Variants in HEATR1 observed in about 807,000 individuals in gnomAD.
HEATR1 encodes the protein HEAT repeat-containing protein 1.
In HEATR1, 77 loss-of-function variants were observed where a neutral mutation model predicts 248.2. The observed-to-expected ratio is 0.31, with a 90% CI of 0.26 to 0.37. The LOEUF (loss-of-function observed/expected upper bound fraction) is 0.37, where lower values mean the gene tolerates loss of function less well. HEATR1 is among the 10% of genes least tolerant of loss of function. The pLI, the probability that HEATR1 is intolerant of heterozygous loss-of-function variation, is 1.00. For synonymous variants in HEATR1, 897 were observed against 923.1 expected (o/e 0.97, Z 0.51); for missense variants, 2,420 against 2,504.9 (o/e 0.97, Z 0.72).
In HEATR1 at chr1:236,554,738, C is replaced by G; in HGVS notation, c.5938G>C (p.Asp1980His). The change falls in exon 42 of 45, where the codon GAC (aspartate) becomes CAC (histidine). Residue 1980 changes from aspartate (D) to histidine (H), a missense_variant. Asp to His is a moderately conservative substitution (Grantham distance 81, BLOSUM62 -1). Coordinates refer to ENST00000366582, the MANE Select transcript of HEATR1 (RefSeq NM_018072.6). ...NISKTDEAFFDSENDPEKCCL... is the reference protein window; with the variant it reads ...NISKTDEAFFHSENDPEKCCL... ...CACTTTTCAGGGTCATTTTCAGAGTCAAAAAATGCTTCATCTGTAGACGTG... is the reference window on the plus strand; with the variant it reads ...CACTTTTCAGGGTCATTTTCAGAGTGAAAAAATGCTTCATCTGTAGACGTG... 1.2e-6 allele frequency: 2 copies of G among 1,605,664 alleles called. No homozygotes were observed. Among genetic ancestry groups the G allele is most frequent in the South Asian group, 2.3e-5 (2 of 88,770 alleles).
intron 10 of HEATR1, 51 bp downstream of exon 10, chr1:236,592,472 T>A (rs768668958): frequency 1.3e-6 from 1 of 764,206 alleles, no homozygotes; most frequent in African/African-American, 1.7e-5. Context: ...ATCATATCTT[T>A]ATAGAACAGG....
intron 24 of HEATR1, among the ~76,000 whole-genome samples, chr1:236,573,198 G>C (rs1004554988): frequency 2.6e-5 from 4 of 152,152 alleles, no homozygotes; most frequent in African/African-American, 9.7e-5. Flanking sequence ...CACTTCTCCA[G>C]TCCAGAGTCA....
chr1:236,557,420 G>GA (rs1663008355), intron 36 of HEATR1, 75 bp from the exon 37 acceptor site: 4 of 1,491,810 alleles, frequency 2.7e-6, no homozygotes, highest in African/African-American at 1.4e-5. Context: ...AGGGCATTAT[G>GA]AAAAAAACCA....
intron 37 of HEATR1, 21 bp from the exon 38 acceptor site, chr1:236,556,279 T>C (rs765956418): frequency 3.1e-6 from 5 of 1,613,316 alleles, no homozygotes; most frequent in Admixed American, 3.3e-5. Flanking sequence ...ATAAAAAAAG[T>C]GATCAGGGCC....
chr1:236,550,823 A>G lies in HEATR1; in HGVS notation c.*79T>C. 9.1e-7 allele frequency: 1 copy of G among 1,097,456 alleles called. No homozygotes were observed. The highest frequency in any genetic ancestry group is 2.4e-5 in the East Asian group (1 of 41,356). 68.0% of individuals were successfully genotyped at this position (1,097,456 alleles called of 1,614,324 possible). On this transcript the variant is annotated 3_prime_UTR_variant, in exon 45 of 45. Coordinates refer to ENST00000366582, the MANE Select transcript of HEATR1 (RefSeq NM_018072.6). ...GGTGTATTAAGGCACCAAAAGTAAC[A>G]TGGCACCCAACACCCAAAAATAAAA...
chr1:236,594,908 C>G (rs958773866), intron 8 of HEATR1, among the ~76,000 whole-genome samples: 2 of 152,120 alleles, frequency 1.3e-5, no homozygotes, highest in African/African-American at 4.8e-5. Flanking sequence ...AGGTGATCCT[C>G]CCACCTCAGT....
intron 28 of HEATR1, among the ~76,000 whole-genome samples, chr1:236,571,026 T>C (rs1292411116): frequency 1.3e-5 from 2 of 152,250 alleles, no homozygotes; most frequent in African/African-American, 4.8e-5. Context: ...CTTTTCCCAA[T>C]TAACACCAAT....
Position 236,585,085 on chromosome 1 carries a change from T to C in HEATR1, c.2181A>G (p.Ile727Met), listed in dbSNP as rs1418054710. 6.2e-7 allele frequency: 1 copy of C among 1,614,042 alleles called. No individual in the cohort carries two copies. The highest frequency in any genetic ancestry group is 1.7e-5 in the Admixed American group (1 of 60,026). Residue 727 changes from isoleucine to methionine, a missense_variant, in exon 17 of 45, where the codon ATA becomes ATG. Transcript: ENST00000366582. ...SLKETHFPFAIRVFSLLQKKI... is the reference protein window; with the variant it reads ...SLKETHFPFAMRVFSLLQKKI... ...TTTTCTGCAACAAACTGAAGACTCTTATCGCAAATGGAAAGTGGGTTTCTT... is the reference window on the plus strand; with the variant it reads ...TTTTCTGCAACAAACTGAAGACTCTCATCGCAAATGGAAAGTGGGTTTCTT...
In HEATR1 at chr1:236,566,759, G is replaced by A. The variant is rs1253637056; in HGVS notation, c.4195C>T (p.Leu1399Phe). The A allele has an allele frequency of 6.2e-7, 1 of 1,613,988 alleles. No homozygotes were observed. ...HVPEHRRLPI[L>F]VQLVDTLGAE... The stretch of plus-strand genomic sequence containing the variant: ...CCCAGTGTATCAACAAGTTGAACAA[G>A]GATGGGCAGGCGCCTGTGCTCCGGG... The change falls in exon 30 of 45, where the codon CTT becomes TTT. Residue 1399 changes from leucine to phenylalanine, a missense_variant. By Grantham distance (22) the Leu-to-Phe change is conservative. Coordinates refer to ENST00000366582, the MANE Select transcript of HEATR1 (RefSeq NM_018072.6).
chr1:236,572,261 T>TA (rs1663449564), intron 26 of HEATR1, 150 bp downstream of exon 26: 2 of 956,200 alleles, frequency 2.1e-6, no homozygotes, highest in South Asian at 3.5e-5. Flanking sequence ...AATGGATACC[T>TA]AAAACCAATC....
intron 17 of HEATR1, among the ~76,000 whole-genome samples, chr1:236,583,631 T>C (rs1264285968): frequency 6.6e-6 from 1 of 151,896 alleles, no homozygotes; most frequent in Non-Finnish European, 1.5e-5. Context: ...GGATTACAGG[T>C]GCCCGCCATC....
At chr1:236,552,957 G>T (rs1662823564) in intron 43 of HEATR1, 1 of 152,146 alleles carries the variant, frequency 6.6e-6, no homozygotes, top group Admixed American at 6.5e-5. Flanking sequence ...TAAAGAATTT[G>T]AACTAATAAA....
intron 19 of HEATR1, 152 bp from the exon 20 acceptor site, chr1:236,581,566 T>G (rs1213421936): frequency 1.7e-5 from 9 of 538,518 alleles, no homozygotes; most frequent in Non-Finnish European, 2.8e-5. Flanking sequence ...CCATATTCCA[T>G]GTTTTAATGA....
At position 236,576,799 on chromosome 1, in the gene HEATR1, T is replaced by C. The variant is rs150596810; in HGVS notation, c.2906A>G (p.Asp969Gly). The C allele has an allele frequency of 2.9e-4, 469 of 1,612,942 alleles. No individual in the cohort carries two copies. Among genetic ancestry groups the C allele is most frequent in the Admixed American group, 4.3e-4 (26 of 59,780 alleles). ...GCTTACCTGAATAACATAGGCAGCATCTGAAGTGATCTCCTCTGCTTTAGA... is the reference window on the plus strand; with the variant it reads ...GCTTACCTGAATAACATAGGCAGCACCTGAAGTGATCTCCTCTGCTTTAGA... ...LISKAEEITS[D>G]AAYVIQDLAT... The change falls in exon 21 of 45, where the codon GAT becomes GGT. Residue 969 changes from aspartate to glycine, a missense_variant. Physicochemically the swap from Asp to Gly is moderately conservative, Grantham distance 94 (BLOSUM62 -1). Transcript: ENST00000366582.
intron 17 of HEATR1, among the ~76,000 whole-genome samples, chr1:236,584,337 T>C (rs763915628): frequency 6.6e-6 from 1 of 152,204 alleles, no homozygotes; most frequent in Non-Finnish European, 1.5e-5. Flanking sequence ...ATGAAGATTT[T>C]ACTCTTTTTA....
At chr1:236,577,740 G>A (rs1175881298) in intron 20 of HEATR1, among the ~76,000 whole-genome samples, 1 of 152,032 alleles carries the variant, frequency 6.6e-6, no homozygotes, top group Non-Finnish European at 1.5e-5. Context: ...CGCCCACCTC[G>A]GCCTCCCAAA....
At position 236,550,238 on chromosome 1, in the gene HEATR1, C is replaced by CTG. The variant is rs896009877; in HGVS notation, c.*662_*663dup. On this transcript the variant is annotated 3_prime_UTR_variant, in exon 45 of 45. Transcript: ENST00000366582. ...GTGCCACCCAGTGTTTCTGGGCCCT[C>CTG]TGTGTGAGCAGCCAGGTGTGAGCTG... 2.0e-5 allele frequency: 3 copies of CTG among 152,226 alleles called. No homozygotes were observed. Among genetic ancestry groups the CTG allele is most frequent in the African/African-American group, 7.2e-5 (3 of 41,430 alleles). The allele number at this position is 152,226 out of a possible 1,614,324, so 9.4% of individuals were successfully genotyped here.
In HEATR1 at chr1:236,550,807, A is replaced by G. The variant is rs576171870; in HGVS notation, c.*95T>C. 12 of 888,636 alleles carry G rather than the reference A, an allele frequency of 1.4e-5. No individual in the cohort carries two copies. The highest frequency in any genetic ancestry group is 1.9e-5 in the Non-Finnish European group (11 of 569,616). 55.0% of individuals were successfully genotyped at this position (888,636 alleles called of 1,614,324 possible). A position where few individuals can be genotyped will look rare whatever the true frequency, so the allele number is the denominator to read the frequency against. ...GTAAGTAATCCAAGTAGGTGTATTA[A>G]GGCACCAAAAGTAACATGGCACCCA... is the stretch of plus-strand genomic sequence containing the variant. On this transcript the variant is annotated 3_prime_UTR_variant, in exon 45 of 45. Coordinates refer to ENST00000366582, the MANE Select transcript of HEATR1 (RefSeq NM_018072.6).
At chr1:236,600,918 C>T (rs1664305904) in intron 3 of HEATR1, among the ~76,000 whole-genome samples, 1 of 152,204 alleles carries the variant, frequency 6.6e-6, no homozygotes, top group Admixed American at 6.5e-5. Flanking sequence ...ATCCACAAAA[C>T]TCTGCTTAAT....
Sources: allele counts gnomAD v4.1 joint callset (sites outside exome capture counted in the v4.1 genomes callset), GRCh38; gene constraint gnomAD v4.1.1; transcripts MANE v1.5; gene names NCBI Gene and HGNC (gene_info 2026-07-23, HGNC 2026-07-21).